YBX3: variants seen among roughly 807,000 people sequenced by gnomAD.
YBX3 encodes the protein Y-box binding protein 3, also known as Y-box-binding protein 3.
In YBX3, 29 loss-of-function variants were observed where a neutral mutation model predicts 42.4. The ratio of observed to expected loss-of-function variants is 0.68; its 90% CI spans 0.51 to 0.93. The LOEUF (loss-of-function observed/expected upper bound fraction) is 0.93, where lower values mean the gene tolerates loss of function less well. Ranked by LOEUF, YBX3 falls within the 40% of genes least tolerant of loss-of-function variation. YBX3 has a pLI of 0.00. For synonymous variants in YBX3, 195 were observed against 189.8 expected (o/e 1.03, Z -0.22); for missense variants, 517 against 527.5 (o/e 0.98, Z 0.19).
rs144236216 is a variant in YBX3, at chr12:10,701,456, T to C, written c.1054-103A>G. On this transcript the variant is annotated intron_variant, in intron 8 of 9. Coordinates refer to ENST00000228251, the MANE Select transcript of YBX3 (RefSeq NM_003651.5). Reference sequence around the variant, plus strand: ...TTTGAATTTTCCTGTGAAGGAAAATTAGCATGCAAAAATTTAACTACTCTT... The same window carrying C: ...TTTGAATTTTCCTGTGAAGGAAAATCAGCATGCAAAAATTTAACTACTCTT... 52 of 720,298 alleles carry C rather than the reference T, an allele frequency of 7.2e-5. No individual in the cohort carries two copies. The African/African-American group carries it at 8.2e-4, about 11-fold the overall frequency. 44.6% of individuals were successfully genotyped at this position (720,298 alleles called of 1,614,324 possible). A position where few individuals can be genotyped will look rare whatever the true frequency, so the allele number is the denominator to read the frequency against.
intron 2 of YBX3, 99 bp from the exon 3 acceptor site, chr12:10,718,220 C>G (rs1407872085): frequency 9.6e-7 from 1 of 1,046,086 alleles, no homozygotes; most frequent in South Asian, 1.5e-5. Context: ...GTCCTCAAAA[C>G]ACAACATATA....
rs144824557 is a variant in YBX3 at position 10,702,024 on chromosome 12, C to G, written c.989G>C (p.Arg330Pro). 141 of 1,614,048 alleles carry G rather than the reference C, an allele frequency of 8.7e-5. No individual in the cohort carries two copies. The highest frequency in any genetic ancestry group is 1.1e-4 in the Non-Finnish European group (135 of 1,179,992). ...GCGACGCCGGTAATTGTAGGGACGC[C>G]GGTATCCACGGCGAACAGACGGCTG... ...PNQPSVRRGY[R>P]RPYNYRRRPR... is the part of the protein sequence containing the mutation. Residue 330 changes from arginine to proline, a missense_variant, in exon 8 of 10, where the codon CGG (arginine) becomes CCG (proline). This residue lies in a region of YBX3 where 420 missense variants were observed against 408.5 expected (regional missense o/e 1.03). Coordinates refer to ENST00000228251, the MANE Select transcript of YBX3 (RefSeq NM_003651.5).
chr12:10,714,925 A>G (rs979805437), intron 4 of YBX3, among the ~76,000 whole-genome samples: 14 of 151,768 alleles, frequency 9.2e-5, no homozygotes, highest in Non-Finnish European at 2.1e-4. Context: ...ATATTTTTGT[A>G]ATTTTAGTAG....
At chr12:10,721,617 G>T (rs1340426792) in intron 1 of YBX3, among the ~76,000 whole-genome samples, 1 of 151,862 alleles carries the variant, frequency 6.6e-6, no homozygotes, top group East Asian at 1.9e-4. Flanking sequence ...GTTTGGTAGG[G>T]ACTTAGTAAA....
chr12:10,710,512 T>A, intron 5 of YBX3: 1 of 1,183,434 alleles, frequency 8.4e-7, no homozygotes, highest in South Asian at 1.6e-5. Flanking sequence ...CAAAAAAGAA[T>A]ACATTTTATG....
rs887340998 is a variant in YBX3 at position 10,715,639 on chromosome 12, T to C, written c.450+55A>G. The C allele has an allele frequency of 2.1e-6, 3 of 1,434,692 alleles. No homozygotes were observed. The African/African-American group carries it at 4.2e-5, about 20-fold the overall frequency. 88.9% of individuals were successfully genotyped at this position (1,434,692 alleles called of 1,614,324 possible). A position where few individuals can be genotyped will look rare whatever the true frequency, so the allele number is the denominator to read the frequency against. On this transcript the variant is annotated intron_variant, in intron 4 of 9. Transcript: ENST00000228251. ...CATAAGGGGCTGATAGATAATTTAT[T>C]GTGCAACAGTACTATGTGCCAGCAC...
intron 6 of YBX3, among the ~76,000 whole-genome samples, chr12:10,709,363 C>T (rs34254429): frequency 0.19 from 28,852 of 152,180 alleles, 3,191 homozygotes; most frequent in East Asian, 0.49. Context: ...TAATCAACAA[C>T]CTCCATTCTG....
rs552620992 is a variant in YBX3, at chr12:10,723,282, C to T, written c.-171G>A. 18 of 1,073,322 alleles carry T rather than the reference C, an allele frequency of 1.7e-5. No individual in the cohort carries two copies. The highest frequency in any genetic ancestry group is 4.7e-5 in the Admixed American group (1 of 21,262). The allele number at this position is 1,073,322 out of a possible 1,614,324, so 66.5% of individuals were successfully genotyped here. A position where few individuals can be genotyped will look rare whatever the true frequency, so the allele number is the denominator to read the frequency against. On this transcript the variant is annotated 5_prime_UTR_variant, in exon 1 of 10. Transcript: ENST00000228251. ...CGCGCGGCGGAGGCGGCTCGAGCTT[C>T]GTGCTGCGCGCTCTCTCTTGGGCTC... is the stretch of plus-strand genomic sequence containing the variant.
chr12:10,705,884 T>C (rs149671440), intron 6 of YBX3, among the ~76,000 whole-genome samples: 15 of 152,294 alleles, frequency 9.8e-5, no homozygotes, highest in African/African-American at 3.6e-4. Flanking sequence ...ATTCTTTGAG[T>C]ACTTCTTCGC....
intron 4 of YBX3, among the ~76,000 whole-genome samples, chr12:10,713,863 A>G (rs1948228621): frequency 6.6e-6 from 1 of 152,236 alleles, no homozygotes; most frequent in Non-Finnish European, 1.5e-5. Context: ...TTCTCCACAC[A>G]TGTAGTCCTT....
At chr12:10,703,333 T>C (rs1948101470) in intron 7 of YBX3, 1 of 156,958 alleles carries the variant, frequency 6.4e-6, no homozygotes, top group African/African-American at 2.4e-5. Flanking sequence ...GGCAGGCTTA[T>C]ATTATAAAAT....
chr12:10,711,181 T>C (rs1381305359), intron 5 of YBX3: 1 of 152,158 alleles, frequency 6.6e-6, no homozygotes, highest in East Asian at 1.9e-4. Flanking sequence ...TTATATCATA[T>C]ACTACCATTT....
At chr12:10,707,182 T>C (rs1948148122) in intron 6 of YBX3, among the ~76,000 whole-genome samples, 1 of 152,112 alleles carries the variant, frequency 6.6e-6, no homozygotes, top group Admixed American at 6.6e-5. Context: ...CTCCCAAAAA[T>C]GTTGTCAACC....
rs1406241765 is a variant in YBX3 at position 10,723,270 on chromosome 12, C to G, written c.-159G>C. ...CCGAGGTGGGGTCGCGCGGCGGAGG[C>G]GGCTCGAGCTTCGTGCTGCGCGCTC... On this transcript the variant is annotated 5_prime_UTR_variant, in exon 1 of 10. Coordinates refer to ENST00000228251, the MANE Select transcript of YBX3 (RefSeq NM_003651.5). The G allele has an allele frequency of 1.8e-6, 2 of 1,120,314 alleles. No homozygotes were observed. The highest frequency in any genetic ancestry group is 1.6e-5 in the African/African-American group (1 of 60,766). 69.4% of individuals were successfully genotyped at this position (1,120,314 alleles called of 1,614,324 possible). A position where few individuals can be genotyped will look rare whatever the true frequency, so the allele number is the denominator to read the frequency against.
chr12:10,714,762 C>CT (rs202076071), intron 4 of YBX3, among the ~76,000 whole-genome samples: 1,554 of 145,354 alleles, frequency 0.011, 15 homozygotes, highest in East Asian at 0.039. Context: ...TTTTTCTTTT[C>CT]TTTTTTTTTT....
intron 6 of YBX3, among the ~76,000 whole-genome samples, chr12:10,705,765 T>C (rs958684445): frequency 4.6e-5 from 7 of 152,238 alleles, no homozygotes; most frequent in Non-Finnish European, 7.3e-5. Flanking sequence ...TATATTTGTA[T>C]GGACTCATGG....
chr12:10,705,357 T>G (rs1016141585), intron 6 of YBX3, among the ~76,000 whole-genome samples: 1 of 152,182 alleles, frequency 6.6e-6, no homozygotes, highest in East Asian at 1.9e-4. Flanking sequence ...ACTTCCAAAG[T>G]GCTGGGATTA....
chr12:10,717,845 C>A, intron 3 of YBX3: 1 of 337,622 alleles, frequency 3.0e-6, no homozygotes, highest in Non-Finnish European at 5.3e-6. Context: ...AGAAAGTGGT[C>A]TAACCAAATA....
intron 5 of YBX3, chr12:10,711,143 T>C (rs923266748): frequency 5.3e-5 from 8 of 152,142 alleles, no homozygotes; most frequent in Non-Finnish European, 8.8e-5. Flanking sequence ...AATTTACCGA[T>C]TCATTTTATA....
Sources: gnomAD v4.1 joint callset for allele counts (sites outside exome capture counted in the v4.1 genomes callset) on GRCh38, gnomAD v4.1.1 for gene constraint, gnomAD v4.1.1 regional missense constraint, MANE v1.5 for transcripts, NCBI Gene and HGNC (gene_info 2026-07-23, HGNC 2026-07-21) for gene names.